Variants in LRRTM2 observed in about 807,000 individuals in gnomAD.
LRRTM2 encodes the protein leucine-rich repeat transmembrane neuronal protein 2.
LRRTM2 carries 14 observed loss-of-function variants against 40.7 expected under a neutral mutation model. The ratio of observed to expected loss-of-function variants is 0.34; its 90% CI spans 0.23 to 0.54. The LOEUF (loss-of-function observed/expected upper bound fraction) is 0.54. Among genes scored for constraint, LRRTM2 ranks in the 20% least tolerant of loss-of-function variants. The pLI is 0.92. For synonymous variants in LRRTM2, 223 were observed against 237.6 expected (o/e 0.94, Z 0.57); for missense variants, 468 against 624.4 (o/e 0.75, Z 2.67).
At position 138,874,804 on chromosome 5, in the gene LRRTM2, C is replaced by T; in HGVS notation, c.4+104G>A. 1 of 1,193,326 alleles carries T rather than the reference C, an allele frequency of 8.4e-7. No individual in the cohort carries two copies. The highest frequency in any genetic ancestry group is 1.2e-6 in the Non-Finnish European group (1 of 822,472). The allele number at this position is 1,193,326 out of a possible 1,614,324, so 73.9% of individuals were successfully genotyped here. ...ATGCTTTTACCTAAACCTCAAAATC[C>T]AAAATATGATGGTGATTTCCCTCAT... On this transcript the variant is annotated intron_variant, in intron 1 of 1. Coordinates refer to ENST00000274711, the MANE Select transcript of LRRTM2 (RefSeq NM_015564.3). This position sits in a 1 kb window ranked among gnomAD's most constrained non-coding sequence, Gnocchi z 4.1.
Position 138,873,357 on chromosome 5 carries a change from C to T in LRRTM2, c.1204G>A (p.Gly402Ser), listed in dbSNP as rs750339801. 2 of 1,613,652 alleles carry T rather than the reference C, an allele frequency of 1.2e-6. No individual in the cohort carries two copies. The highest frequency in any genetic ancestry group is 2.7e-5 in the African/African-American group (2 of 74,936). The stretch of plus-strand genomic sequence containing the variant: ...TGTTCCTCGGTAGTAACTGCTATGC[C>T]TGCAGTAGTTGGGATTTCTTTGTCT... Reference protein sequence around the residue: ...VGDKEIPTTAGIAVTTEEHFP... With the variant: ...VGDKEIPTTASIAVTTEEHFP... The change falls in exon 2 of 2, where the codon GGC (glycine) becomes AGC (serine). Residue 402 changes from glycine to serine, a missense_variant. Physicochemically the swap from Gly to Ser is moderately conservative, Grantham distance 56 (BLOSUM62 0). Coordinates refer to ENST00000274711, the MANE Select transcript of LRRTM2 (RefSeq NM_015564.3). The surrounding 1 kb of genome is among the most constrained non-coding windows in gnomAD (Gnocchi z 6.1).
Position 138,870,482 on chromosome 5 carries a change from A to G in LRRTM2, c.*2528T>C, listed in dbSNP as rs377003957. 27 of 152,302 alleles carry G rather than the reference A, an allele frequency of 1.8e-4. No homozygotes were observed. In the East Asian group the frequency reaches 1.9e-3, roughly 11 times the overall value. The allele number at this position is 152,302 out of a possible 1,614,324, so 9.4% of individuals were successfully genotyped here. ...AAAGTATGCCTCGCTAGCCTTGGCT[A>G]TGCTGTTCCTCTGAATTAGTAAATG... On this transcript the variant is annotated 3_prime_UTR_variant, in exon 2 of 2. Transcript: ENST00000274711.
rs768454005 is a variant in LRRTM2, at chr5:138,873,781, C to G, written c.780G>C (p.Leu260=). The part of the protein sequence containing the change: ...WTWGTLEKLD[L]TGNEIKAIDL... ...CGATGGCTTTGATTTCATTTCCAGT[C>G]AGGTCTAGCTTTTCTAAAGTGCCCC... Residue 260 remains leucine, a synonymous_variant, in exon 2 of 2, where the codon CTG becomes CTC. Transcript: ENST00000274711. This position sits in a 1 kb window ranked among gnomAD's most constrained non-coding sequence, Gnocchi z 6.1. The G allele has an allele frequency of 2.5e-6, 4 of 1,614,018 alleles. No homozygotes were observed. The Admixed American group carries it at 5.0e-5, about 20-fold the overall frequency.
Position 138,869,948 on chromosome 5 carries a change from C to T in LRRTM2, c.*3062G>A, listed in dbSNP as rs189471253. ...TCTTTTCAGAAAGGTGATTGAAATC[C>T]CTGTCATGCTACAGAAATGAATATA... is the stretch of plus-strand genomic sequence containing the variant. On this transcript the variant is annotated 3_prime_UTR_variant, in exon 2 of 2. Transcript: ENST00000274711. The T allele has an allele frequency of 3.5e-4, 53 of 152,626 alleles. No homozygotes were observed. In the East Asian group the frequency reaches 8.7e-3, roughly 25 times the overall value. The allele number at this position is 152,626 out of a possible 1,614,324, so 9.5% of individuals were successfully genotyped here. A position where few individuals can be genotyped will look rare whatever the true frequency, so the allele number is the denominator to read the frequency against.
Position 138,874,568 on chromosome 5 carries a change from A to C in LRRTM2, c.5-12T>G, listed in dbSNP as rs755645224. 6.8e-7 allele frequency: 1 copy of C among 1,468,602 alleles called. No homozygotes were observed. The highest frequency in any genetic ancestry group is 1.4e-5 in the African/African-American group (1 of 70,464). 91.0% of individuals were successfully genotyped at this position (1,468,602 alleles called of 1,614,324 possible). On this transcript the variant is annotated splice_polypyrimidine_tract_variant and intron_variant, in intron 1 of 1. Transcript: ENST00000274711. This position sits in a 1 kb window ranked among gnomAD's most constrained non-coding sequence, Gnocchi z 4.1. ...CTTGAAATGTAAGCCTGCAGAATAT[A>C]ATTTAAGGAAAACAAGAAGATAGGA...
chr5:138,874,373 G>A lies in LRRTM2; in HGVS notation c.188C>T (p.Ser63Phe), dbSNP rs1027406854. ...ATTGTGCCTCAGGGACAGGCCCAGA[G>A]AGCCCTTGTCTGTGGCGTTTGGCAC... ...HSVPNATDKGSLGLSLRHNHI... is the reference protein window; with the variant it reads ...HSVPNATDKGFLGLSLRHNHI... Residue 63 changes from serine to phenylalanine, a missense_variant, in exon 2 of 2, where the codon TCT becomes TTT. Transcript: ENST00000274711. The surrounding 1 kb of genome is among the most constrained non-coding windows in gnomAD (Gnocchi z 4.1). The A allele has an allele frequency of 3.1e-6, 5 of 1,613,872 alleles. No individual in the cohort carries two copies. The Admixed American group carries it at 5.0e-5, about 16-fold the overall frequency.
chr5:138,874,366 G>T lies in LRRTM2; in HGVS notation c.195C>A (p.Gly65=). Residue 65 remains glycine, a synonymous_variant, in exon 2 of 2, where the codon GGC becomes GGA. Transcript: ENST00000274711. This position sits in a 1 kb window ranked among gnomAD's most constrained non-coding sequence, Gnocchi z 4.1. ...VPNATDKGSL[G]LSLRHNHITE... is the part of the protein sequence containing the mutation. ...TGATGTGATTGTGCCTCAGGGACAG[G>T]CCCAGAGAGCCCTTGTCTGTGGCGT... 6.2e-7 allele frequency: 1 copy of T among 1,613,968 alleles called. No homozygotes were observed. Among genetic ancestry groups the T allele is most frequent in the Non-Finnish European group, 8.5e-7 (1 of 1,179,876 alleles).
Position 138,874,737 on chromosome 5 carries a change from A to T in LRRTM2, c.4+171T>A, listed in dbSNP as rs1751113541. ...GTATGACTGGACCAAAACTTAAGCCATTTAAAAAGAAGATAAAACATGTCT... is the reference window on the plus strand; with the variant it reads ...GTATGACTGGACCAAAACTTAAGCCTTTTAAAAAGAAGATAAAACATGTCT... On this transcript the variant is annotated intron_variant, in intron 1 of 1. Coordinates refer to ENST00000274711, the MANE Select transcript of LRRTM2 (RefSeq NM_015564.3). The surrounding 1 kb of genome is among the most constrained non-coding windows in gnomAD (Gnocchi z 4.1). Among the ~76,000 whole-genome samples, 1 of 152,220 alleles carries T rather than the reference A, an allele frequency of 6.6e-6. No individual in the cohort carries two copies. The highest frequency in any genetic ancestry group is 2.1e-4 in the South Asian group (1 of 4,822).
chr5:138,873,415 T>C lies in LRRTM2; in HGVS notation c.1146A>G (p.Thr382=). Residue 382 remains threonine (T), a synonymous_variant, in exon 2 of 2, where the codon ACA becomes ACG. Coordinates refer to ENST00000274711, the MANE Select transcript of LRRTM2 (RefSeq NM_015564.3). The surrounding 1 kb of genome is among the most constrained non-coding windows in gnomAD (Gnocchi z 6.1). Reference sequence around the variant, plus strand: ...GGTAACTTGATGAGCTTATTCTTTTTGTATATTCAGTGGTTGGATCTCTAT... The same window carrying C: ...GGTAACTTGATGAGCTTATTCTTTTCGTATATTCAGTGGTTGGATCTCTAT... ...TTYRDPTTEY[T]KRISSSSYHV... 6.2e-7 allele frequency: 1 copy of C among 1,614,036 alleles called. No individual in the cohort carries two copies.
Position 138,874,801 on chromosome 5 carries a change from A to C in LRRTM2, c.4+107T>G. 1 of 1,166,382 alleles carries C rather than the reference A, an allele frequency of 8.6e-7. No homozygotes were observed. The highest frequency in any genetic ancestry group is 2.1e-5 in the Admixed American group (1 of 48,356). 72.3% of individuals were successfully genotyped at this position (1,166,382 alleles called of 1,614,324 possible). A position where few individuals can be genotyped will look rare whatever the true frequency, so the allele number is the denominator to read the frequency against. On this transcript the variant is annotated intron_variant, in intron 1 of 1. Transcript: ENST00000274711. This position sits in a 1 kb window ranked among gnomAD's most constrained non-coding sequence, Gnocchi z 4.1. ...TATATGCTTTTACCTAAACCTCAAA[A>C]TCCAAAATATGATGGTGATTTCCCT...
rs1253357664 is a variant in LRRTM2, at chr5:138,869,005, C to G, written c.*4005G>C. 3 of 147,068 alleles carry G rather than the reference C, an allele frequency of 2.0e-5. No individual in the cohort carries two copies. The highest frequency in any genetic ancestry group is 5.0e-5 in the African/African-American group (2 of 39,722). 9.1% of individuals were successfully genotyped at this position (147,068 alleles called of 1,614,324 possible). A position where few individuals can be genotyped will look rare whatever the true frequency, so the allele number is the denominator to read the frequency against. On this transcript the variant is annotated 3_prime_UTR_variant, in exon 2 of 2. Transcript: ENST00000274711. ...TGTTACCCTCCCCCCTCCCAAAACA[C>G]CCTGCATAATAGTATTTTCTTCCCA...
In LRRTM2 at chr5:138,874,890, A is replaced by C. The variant is rs199741027; in HGVS notation, c.4+18T>G. ...ATTCCTTGTTGAATGTACAAGACAT[A>C]TAAATGCACAGACTTACCCATTCTT... is the stretch of plus-strand genomic sequence containing the variant. On this transcript the variant is annotated intron_variant, in intron 1 of 1. Coordinates refer to ENST00000274711, the MANE Select transcript of LRRTM2 (RefSeq NM_015564.3). The surrounding 1 kb of genome is among the most constrained non-coding windows in gnomAD (Gnocchi z 4.1). The C allele has an allele frequency of 1.3e-4, 213 of 1,610,830 alleles. No homozygotes were observed. In the African/African-American group the frequency reaches 2.7e-3, roughly 20 times the overall value.
rs1268015186 is a variant in LRRTM2 at position 138,874,773 on chromosome 5, C to A, written c.4+135G>T. ...AGATAAAACATGTCTCTGTCATCAT[C>A]GATATATGCTTTTACCTAAACCTCA... On this transcript the variant is annotated intron_variant, in intron 1 of 1. Coordinates refer to ENST00000274711, the MANE Select transcript of LRRTM2 (RefSeq NM_015564.3). This position sits in a 1 kb window ranked among gnomAD's most constrained non-coding sequence, Gnocchi z 4.1. 7.0e-6 allele frequency: 6 copies of A among 857,342 alleles called. No homozygotes were observed. Among genetic ancestry groups the A allele is most frequent in the Admixed American group, 2.5e-5 (1 of 39,616 alleles). 53.1% of individuals were successfully genotyped at this position (857,342 alleles called of 1,614,324 possible).
chr5:138,873,632 C>T lies in LRRTM2; in HGVS notation c.929G>A (p.Gly310Asp), dbSNP rs770935138. Reference protein sequence around the residue: ...LRSLTTVGLSGNLWECSARIC... With the variant: ...LRSLTTVGLSDNLWECSARIC... ...TCGGGCGCTGCATTCCCACAGATTG[C>T]CAGAGAGACCAACGGTTGTGAGGGA... is the stretch of plus-strand genomic sequence containing the variant. The change falls in exon 2 of 2, where the codon GGC (glycine) becomes GAC (aspartate). Residue 310 changes from glycine to aspartate, a missense_variant. By Grantham distance (94) the Gly-to-Asp change is moderately conservative. Transcript: ENST00000274711. This position sits in a 1 kb window ranked among gnomAD's most constrained non-coding sequence, Gnocchi z 6.1. The T allele has an allele frequency of 2.5e-6, 4 of 1,613,998 alleles. No homozygotes were observed. Among genetic ancestry groups the T allele is most frequent in the Non-Finnish European group, 3.4e-6 (4 of 1,179,898 alleles).
rs1178184499 is a variant in LRRTM2, at chr5:138,873,353, A to G, written c.1208T>C (p.Ile403Thr). 5.6e-6 allele frequency: 9 copies of G among 1,613,674 alleles called. No individual in the cohort carries two copies. The highest frequency in any genetic ancestry group is 1.1e-5 in the South Asian group (1 of 91,084). The change falls in exon 2 of 2, where the codon ATA becomes ACA. Residue 403 changes from isoleucine to threonine, a missense_variant. Ile to Thr is a moderately conservative substitution (Grantham distance 89, BLOSUM62 -1). Coordinates refer to ENST00000274711, the MANE Select transcript of LRRTM2 (RefSeq NM_015564.3). The surrounding 1 kb of genome is among the most constrained non-coding windows in gnomAD (Gnocchi z 6.1). ...AAAGTGTTCCTCGGTAGTAACTGCTATGCCTGCAGTAGTTGGGATTTCTTT... is the reference window on the plus strand; with the variant it reads ...AAAGTGTTCCTCGGTAGTAACTGCTGTGCCTGCAGTAGTTGGGATTTCTTT... The part of the protein sequence containing the change: ...GDKEIPTTAG[I>T]AVTTEEHFPE...
At position 138,873,658 on chromosome 5, in the gene LRRTM2, T is replaced by C; in HGVS notation, c.903A>G (p.Arg301=). ...CAGAGAGACCAACGGTTGTGAGGGATCTCAGGGAGTTTAAGATCTTGGAAT... is the reference window on the plus strand; with the variant it reads ...CAGAGAGACCAACGGTTGTGAGGGACCTCAGGGAGTTTAAGATCTTGGAAT... The part of the protein sequence containing the change: ...SLDSKILNSL[R]SLTTVGLSGN... Residue 301 remains arginine (R), a synonymous_variant, in exon 2 of 2, where the codon AGA becomes AGG. Transcript: ENST00000274711. The surrounding 1 kb of genome is among the most constrained non-coding windows in gnomAD (Gnocchi z 6.1). The C allele has an allele frequency of 6.2e-7, 1 of 1,614,048 alleles. No homozygotes were observed. The highest frequency in any genetic ancestry group is 8.5e-7 in the Non-Finnish European group (1 of 1,179,894).
At position 138,874,189 on chromosome 5, in the gene LRRTM2, C is replaced by T; in HGVS notation, c.372G>A (p.Leu124=). 3 of 1,613,912 alleles carry T rather than the reference C, an allele frequency of 1.9e-6. No individual in the cohort carries two copies. The highest frequency in any genetic ancestry group is 2.5e-6 in the Non-Finnish European group (3 of 1,179,866). The part of the protein sequence containing the change: ...LILSSNKIFY[L]PNTTFTQLIN... The stretch of plus-strand genomic sequence containing the variant: ...TCAGTTGGGTAAAAGTTGTGTTTGG[C>T]AAGTAAAATATTTTGTTGGAACTTA... Residue 124 remains leucine, a synonymous_variant, in exon 2 of 2, where the codon TTG becomes TTA. Coordinates refer to ENST00000274711, the MANE Select transcript of LRRTM2 (RefSeq NM_015564.3). This position sits in a 1 kb window ranked among gnomAD's most constrained non-coding sequence, Gnocchi z 4.1.
At position 138,873,569 on chromosome 5, in the gene LRRTM2, C is replaced by A; in HGVS notation, c.992G>T (p.Gly331Val). The A allele has an allele frequency of 6.2e-7, 1 of 1,613,956 alleles. No individual in the cohort carries two copies. Among genetic ancestry groups the A allele is most frequent in the Non-Finnish European group, 8.5e-7 (1 of 1,179,888 alleles). ...ALASWLGSFQ[G>V]RWEHSILCHS... ...GCATAGGATGGAGTGTTCCCACCGA[C>A]CTTGGAAACTGCCCAGCCAGGAGGC... The change falls in exon 2 of 2, where the codon GGT (glycine) becomes GTT (valine). Residue 331 changes from glycine (G) to valine (V), a missense_variant. Transcript: ENST00000274711. This position sits in a 1 kb window ranked among gnomAD's most constrained non-coding sequence, Gnocchi z 6.1.
At position 138,874,651 on chromosome 5, in the gene LRRTM2, G is replaced by T; in HGVS notation, c.5-95C>A. The T allele has an allele frequency of 1.2e-6, 1 of 828,114 alleles. No homozygotes were observed. The highest frequency in any genetic ancestry group is 1.8e-6 in the Non-Finnish European group (1 of 542,644). 51.3% of individuals were successfully genotyped at this position (828,114 alleles called of 1,614,324 possible). A position where few individuals can be genotyped will look rare whatever the true frequency, so the allele number is the denominator to read the frequency against. ...AAAAACAACCACCACCAACATTATA[G>T]CAAAAGATTTCACTGCATATAACTT... is the stretch of plus-strand genomic sequence containing the variant. On this transcript the variant is annotated intron_variant, in intron 1 of 1. Coordinates refer to ENST00000274711, the MANE Select transcript of LRRTM2 (RefSeq NM_015564.3). The surrounding 1 kb of genome is among the most constrained non-coding windows in gnomAD (Gnocchi z 4.1).
Sources: allele counts gnomAD v4.1 joint callset (sites outside exome capture counted in the v4.1 genomes callset), GRCh38; gene constraint gnomAD v4.1.1; non-coding constraint Gnocchi (gnomAD v3.1); transcripts MANE v1.5; gene names NCBI Gene and HGNC (gene_info 2026-07-23, HGNC 2026-07-21).